The following PDE4D variants were observed in gnomAD, a reference collection of about 807,000 sequenced individuals.
The protein encoded by PDE4D is phosphodiesterase 4D.
PDE4D carries 24 observed loss-of-function variants against 87.4 expected under a neutral mutation model. The observed-to-expected ratio is 0.27, with a 90% confidence interval of 0.20 to 0.39. PDE4D has a LOEUF of 0.39. Among genes scored for constraint, PDE4D ranks in the 10% least tolerant of loss-of-function variants. PDE4D has a pLI of 1.00. For synonymous variants in PDE4D, 384 were observed against 383.2 expected, an observed-to-expected ratio of 1.00 and a Z score of -0.02; for missense variants, 714 against 1,041.0, an observed-to-expected ratio of 0.69 and a Z score of 4.32.
intron 1 of PDE4D, among the ~76,000 whole-genome samples, chr5:60,326,848 G>C (rs1756841378): frequency 6.6e-6 from 1 of 152,084 alleles, no homozygotes; most frequent in Non-Finnish European, 1.5e-5. Flanking sequence ...TTCAAGTTTA[G>C]ATTGCATTGA....
chr5:59,131,831 G>T (rs1776334776), intron 5 of PDE4D, among the ~76,000 whole-genome samples: 1 of 152,172 alleles, frequency 6.6e-6, no homozygotes, highest in South Asian at 2.1e-4. Context: ...GTAATTGTAT[G>T]TTGGGCCTCA....
At chr5:59,657,896 T>G (rs1744633214) in intron 1 of PDE4D, among the ~76,000 whole-genome samples, 1 of 152,216 alleles carries the variant, frequency 6.6e-6, no homozygotes, top group Non-Finnish European at 1.5e-5. Flanking sequence ...CCAAATTTAA[T>G]CAATGTTTTG....
At chr5:59,377,605 CTATAAGGAACTTAA>C (rs1438077868) in intron 1 of PDE4D, among the ~76,000 whole-genome samples, 1 of 152,062 alleles carries the variant, frequency 6.6e-6, no homozygotes, top group African/African-American at 2.4e-5. Context: ...TATCTAGCAT[CTATAAGGAACTTAA>C]ACAAATTTAC....
intron 1 of PDE4D, among the ~76,000 whole-genome samples, chr5:59,595,530 T>C (rs983640258): frequency 2.0e-5 from 3 of 152,192 alleles, no homozygotes; most frequent in Non-Finnish European, 4.4e-5. Context: ...ACCTCTGAAT[T>C]TGGTAAAAAG....
chr5:59,351,209 C>T (rs1412688232), intron 1 of PDE4D, among the ~76,000 whole-genome samples: 2 of 152,092 alleles, frequency 1.3e-5, no homozygotes, highest in South Asian at 4.1e-4. Context: ...GGAAATGGCT[C>T]AGAGAGGTTA....
intron 1 of PDE4D, among the ~76,000 whole-genome samples, chr5:60,418,219 A>G (rs991702588): frequency 2.0e-4 from 30 of 152,226 alleles, no homozygotes; most frequent in Non-Finnish European, 7.3e-5. Context: ...CTCACAGGAC[A>G]TGATTCCATA....
chr5:60,014,035 G>A (rs531246127), intron 2 of PDE4D, among the ~76,000 whole-genome samples: 18 of 150,224 alleles, frequency 1.2e-4, no homozygotes, highest in South Asian at 6.3e-4. Flanking sequence ...GGAGGTTGCC[G>A]TGAGCCGAGA....
At chr5:59,199,016 T>A (rs1267280030) in intron 2 of PDE4D, among the ~76,000 whole-genome samples, 1 of 152,202 alleles carries the variant, frequency 6.6e-6, no homozygotes, top group African/African-American at 2.4e-5. Flanking sequence ...ACACACTAGG[T>A]GGCAATCTTT....
At chr5:60,001,194 G>A (rs1001536400) in intron 2 of PDE4D, among the ~76,000 whole-genome samples, 3 of 152,122 alleles carry the variant, frequency 2.0e-5, no homozygotes, top group East Asian at 1.9e-4. Context: ...AGGGAACCAC[G>A]CCTATCTGCA....
At chr5:59,499,061 C>A (rs1436381630) in intron 1 of PDE4D, among the ~76,000 whole-genome samples, 1 of 151,816 alleles carries the variant, frequency 6.6e-6, no homozygotes, top group Non-Finnish European at 1.5e-5. Flanking sequence ...CAGAATCATA[C>A]CAAGCATCTT....
chr5:59,005,674 C>A (rs1467386027), intron 6 of PDE4D, among the ~76,000 whole-genome samples: 1 of 152,154 alleles, frequency 6.6e-6, no homozygotes, highest in Non-Finnish European at 1.5e-5. Flanking sequence ...CTACTATGCA[C>A]AAAGAACTTT....
intron 5 of PDE4D, among the ~76,000 whole-genome samples, chr5:59,101,304 T>C (rs1770694433): frequency 6.6e-6 from 1 of 152,158 alleles, no homozygotes; most frequent in African/African-American, 2.4e-5. Flanking sequence ...AGTGAGAAAG[T>C]CTCTTTTCTC....
chr5:59,105,476 T>A (rs1171072052), intron 5 of PDE4D, among the ~76,000 whole-genome samples: 1 of 152,170 alleles, frequency 6.6e-6, no homozygotes, highest in Non-Finnish European at 1.5e-5. Context: ...TATGCATAAG[T>A]CCTGAATGGT....
chr5:60,179,226 G>C (rs1374926983), intron 2 of PDE4D, among the ~76,000 whole-genome samples: 2 of 152,006 alleles, frequency 1.3e-5, no homozygotes, highest in Non-Finnish European at 2.9e-5. Context: ...GCAGGGTCAG[G>C]GTCTCTCTAA....
intron 2 of PDE4D, among the ~76,000 whole-genome samples, chr5:60,166,157 C>T (rs1471559177): frequency 2.6e-5 from 4 of 152,162 alleles, no homozygotes; most frequent in Admixed American, 2.0e-4. Flanking sequence ...TGCAGTGGCA[C>T]GATCTCAGCT....
intron 1 of PDE4D, among the ~76,000 whole-genome samples, chr5:59,349,481 A>C (rs1210961588): frequency 6.6e-6 from 1 of 152,170 alleles, no homozygotes; most frequent in Non-Finnish European, 1.5e-5. Context: ...TGCTCAGTCA[A>C]GGTACTGTCT....
At chr5:59,594,292 TTTTATTTATTTATTTATTTA>T (rs142839056) in intron 1 of PDE4D, among the ~76,000 whole-genome samples, 1,414 of 141,020 alleles carry the variant, frequency 0.01, 14 homozygotes, top group East Asian at 0.044. Context: ...AACTTTTTTA[TTTTATTTATTTATTTATTTA>T]TTTATTTATT....
At chr5:59,165,038 A>G (rs759789675) in intron 5 of PDE4D, 9 of 152,140 alleles carry the variant, frequency 5.9e-5, no homozygotes, top group Non-Finnish European at 1.2e-4. Context: ...AATGACAGGT[A>G]CCATCTGGAT....
intron 1 of PDE4D, chr5:59,586,545 A>C: frequency 1.4e-6 from 2 of 1,409,438 alleles, no homozygotes; most frequent in Non-Finnish European, 1.8e-6. Context: ...ATAAAAACAA[A>C]TAGCAATTAC....
Sources: gnomAD v4.1 joint callset for allele counts (sites outside exome capture counted in the v4.1 genomes callset) on GRCh38, gnomAD v4.1.1 for gene constraint, MANE v1.5 for transcripts, NCBI Gene and HGNC (gene_info 2026-07-23, HGNC 2026-07-21) for gene names.